The following GDAP1 variants were observed in gnomAD, a reference collection of about 807,000 sequenced individuals.
GDAP1 encodes the protein ganglioside induced differentiation associated protein 1.
GDAP1 carries 34 observed loss-of-function variants against 40.1 expected under a neutral mutation model. The ratio of observed to expected loss-of-function variants is 0.85; its 90% CI spans 0.64 to 1.13. GDAP1 has a LOEUF of 1.13. Among genes scored for constraint, GDAP1 ranks in the 50% most tolerant of loss-of-function variants. The pLI is 0.00. For missense variants in GDAP1, 374 were observed against 433.7 expected (o/e 0.86, Z 1.22); for synonymous variants, 170 against 157.4 (o/e 1.08, Z -0.60).
intron 2 of GDAP1, among the ~76,000 whole-genome samples, chr8:74,407,431 G>GA (rs1390876579): frequency 6.7e-6 from 1 of 149,748 alleles, no homozygotes; most frequent in African/African-American, 2.6e-5. Context: ...AGTGTGGCTA[G>GA]AAAAAACAGG....
intron 2 of GDAP1, among the ~76,000 whole-genome samples, chr8:74,417,183 A>C (rs1805794124): frequency 6.7e-6 from 1 of 149,794 alleles, no homozygotes; most frequent in Admixed American, 6.6e-5. Context: ...GATGCAGAAA[A>C]GAAATTGACA....
At chr8:74,470,677 A>C (rs1337936974) in intron 2 of GDAP1, among the ~76,000 whole-genome samples, 1 of 152,194 alleles carries the variant, frequency 6.6e-6, no homozygotes, top group African/African-American at 2.4e-5. Flanking sequence ...GGTTGGTTCC[A>C]AGTCTTTGCT....
rs185011420 is a variant in GDAP1 at position 74,416,952 on chromosome 8, C to T, written c.165+65631C>T. Among the ~76,000 whole-genome samples the T allele has an allele frequency of 2.4e-3, 326 of 136,656 alleles. 39 individuals carry two copies. The highest frequency in any genetic ancestry group is 9.1e-3 in the African/African-American group (304 of 33,354). 89.7% of individuals were successfully genotyped at this position (136,656 alleles called of 152,430 possible). A position where few individuals can be genotyped will look rare whatever the true frequency, so the allele number is the denominator to read the frequency against. ...TTGTTTTTTTTTTTTTTAACAGAGGCATAGTGCACTGCTGGGCTTGGGAAG... is the reference window on the plus strand; with the variant it reads ...TTGTTTTTTTTTTTTTTAACAGAGGTATAGTGCACTGCTGGGCTTGGGAAG... On this transcript the variant is annotated intron_variant, in intron 2 of 2. Coordinates refer to the GDAP1 transcript ENST00000523640.
intron 2 of GDAP1, among the ~76,000 whole-genome samples, chr8:74,353,181 A>G (rs980146038): frequency 2.6e-4 from 39 of 152,340 alleles, no homozygotes; most frequent in African/African-American, 8.7e-4. Flanking sequence ...AGGAAATGCT[A>G]AGTTCTTTTG....
chr8:74,395,911 C>T (rs1212910358), intron 2 of GDAP1, among the ~76,000 whole-genome samples: 2 of 152,112 alleles, frequency 1.3e-5, no homozygotes, highest in African/African-American at 4.8e-5. Flanking sequence ...AGATGTAAGG[C>T]AGGGTTTACA....
chr8:74,451,544 T>C (rs1294517499), intron 2 of GDAP1, among the ~76,000 whole-genome samples: 2 of 84,142 alleles, frequency 2.4e-5, no homozygotes, highest in Non-Finnish European at 4.8e-5. Context: ...AATTTTTTTA[T>C]AGACCTGAGT....
intron 2 of GDAP1, among the ~76,000 whole-genome samples, chr8:74,481,291 G>A (rs1806707671): frequency 1.3e-5 from 2 of 152,186 alleles, no homozygotes; most frequent in African/African-American, 4.8e-5. Context: ...AGCCAGGGCA[G>A]GGCTAAGCCA....
In GDAP1 at chr8:74,404,135, A is replaced by G. The variant is rs115283428; in HGVS notation, c.165+52814A>G. Among the ~76,000 whole-genome samples, 919 of 150,020 alleles carry G rather than the reference A, an allele frequency of 6.1e-3. 97 individuals are homozygous for G. The highest frequency in any genetic ancestry group is 0.022 in the African/African-American group (857 of 39,370). ...TTTACAATGTACCAGGAATATGTTA[A>G]GTGATACCTGCATACTCTCATTTGA... On this transcript the variant is annotated intron_variant, in intron 2 of 2. Transcript: ENST00000523640.
intron 2 of GDAP1, among the ~76,000 whole-genome samples, chr8:74,483,612 T>G (rs538869652): frequency 1.3e-5 from 2 of 152,290 alleles, no homozygotes; most frequent in Non-Finnish European, 2.9e-5. Context: ...TAGTTATGTG[T>G]AAAGAAACTC....
chr8:74,360,176 A>T lies in GDAP1; in HGVS notation c.350A>T (p.Tyr117Phe). ...PRLMPDKESM[Y>F]YPRVQHYREL... ...TTAATGCCTGATAAAGAAAGCATGT[A>T]TTACCCACGGGTACAACATTACCGA... The change falls in exon 3 of 6, where the codon TAT (tyrosine) becomes TTT (phenylalanine). Residue 117 changes from tyrosine (Y) to phenylalanine (F), a missense_variant. By Grantham distance (22) the Tyr-to-Phe change is conservative. Transcript: ENST00000220822. 5 of 1,613,172 alleles carry T rather than the reference A, an allele frequency of 3.1e-6. No individual in the cohort carries two copies. Among genetic ancestry groups the T allele is most frequent in the Non-Finnish European group, 4.2e-6 (5 of 1,179,100 alleles).
rs572851545 is a variant in GDAP1, at chr8:74,352,975, CTCCATCCCCTCCT to C, written c.310+1511_310+1523del. 3.3e-5 allele frequency among the ~76,000 whole-genome samples: 5 copies of C among 152,244 alleles called. No individual in the cohort carries two copies. The East Asian group carries it at 9.6e-4, about 29-fold the overall frequency. On this transcript the variant is annotated intron_variant, in intron 2 of 5. Transcript: ENST00000220822. Reference sequence around the variant, plus strand: ...TGCTTCTACTATCATCATTCCCCTCCTCCATCCCCTCCTTACACTGTTTTTCCTCTAAGAAATT... The same window carrying C: ...TGCTTCTACTATCATCATTCCCCTCCTACACTGTTTTTCCTCTAAGAAATT...
intron 2 of GDAP1, among the ~76,000 whole-genome samples, chr8:74,450,238 G>A (rs1047072779): frequency 2.0e-5 from 3 of 151,526 alleles, no homozygotes; most frequent in African/African-American, 7.3e-5. Flanking sequence ...TTATTAAGAT[G>A]TATTACATTT....
chr8:74,456,586 A>G (rs1806338524), intron 2 of GDAP1, among the ~76,000 whole-genome samples: 1 of 151,918 alleles, frequency 6.6e-6, no homozygotes, highest in African/African-American at 2.4e-5. Flanking sequence ...TAGTAGGGAA[A>G]CGCTGAAAAT....
In GDAP1 at chr8:74,350,416, G is replaced by A. The variant is rs1469051916; in HGVS notation, c.-46G>A. ...TTGCGGGGCAGTGTGGGAGGGAGAA[G>A]TCCAGGGCGGACAGGCTGGGCGCAC... On this transcript the variant is annotated 5_prime_UTR_variant, in exon 1 of 6. Transcript: ENST00000220822. 3 of 1,223,782 alleles carry A rather than the reference G, an allele frequency of 2.5e-6. No individual in the cohort carries two copies. Among genetic ancestry groups the A allele is most frequent in the African/African-American group, 3.0e-5 (2 of 67,632 alleles). 75.8% of individuals were successfully genotyped at this position (1,223,782 alleles called of 1,614,324 possible).
chr8:74,399,993 G>T (rs1199493216), intron 2 of GDAP1, among the ~76,000 whole-genome samples: 6 of 143,162 alleles, frequency 4.2e-5, no homozygotes, highest in Admixed American at 4.1e-4. Flanking sequence ...TTTGGAATAG[G>T]TGTGGTGTGG....
intron 2 of GDAP1, among the ~76,000 whole-genome samples, chr8:74,449,162 T>A (rs1806267735): frequency 6.6e-6 from 1 of 151,892 alleles, no homozygotes; most frequent in Non-Finnish European, 1.5e-5. Context: ...ACTATATATG[T>A]TTGAATCTGT....
At chr8:74,446,635 G>A (rs1427802879) in intron 2 of GDAP1, among the ~76,000 whole-genome samples, 1 of 152,146 alleles carries the variant, frequency 6.6e-6, no homozygotes, top group African/African-American at 2.4e-5. Flanking sequence ...GAAAAATGAA[G>A]ATGAAAGCTA....
chr8:74,399,422 TA>T (rs1810277628), intron 2 of GDAP1, among the ~76,000 whole-genome samples: 1 of 149,790 alleles, frequency 6.7e-6, no homozygotes, highest in South Asian at 2.1e-4. Flanking sequence ...TTATTGTGTC[TA>T]TTTGATTCTT....
At chr8:74,398,247 G>A (rs1192619869) in intron 2 of GDAP1, among the ~76,000 whole-genome samples, 1 of 152,064 alleles carries the variant, frequency 6.6e-6, no homozygotes, top group East Asian at 1.9e-4. Context: ...TTTGATCTTT[G>A]TTGGTTTAAA....
Sources: allele counts gnomAD v4.1 joint callset (sites outside exome capture counted in the v4.1 genomes callset), GRCh38; gene constraint gnomAD v4.1.1; transcripts MANE v1.5; gene names NCBI Gene and HGNC (gene_info 2026-07-23, HGNC 2026-07-21).